MTM1: variants seen among roughly 807,000 people sequenced by gnomAD.
MTM1 encodes myotubularin 1.
Under a neutral mutation model 52.1 loss-of-function variants are expected in MTM1, and 9 were observed. The observed-to-expected ratio is 0.17, with a 90% CI of 0.10 to 0.30. The LOEUF is 0.30. Among genes scored for constraint, MTM1 ranks in the 10% least tolerant of loss-of-function variants. MTM1 has a pLI of 1.00. For missense variants in MTM1, 277 were observed against 470.7 expected, an observed-to-expected ratio of 0.59 and a Z score of 3.81; for synonymous variants, 136 against 163.8, an observed-to-expected ratio of 0.83 and a Z score of 1.29.
At position 150,568,916 on chromosome X, in the gene MTM1, G is replaced by T. The variant is rs782261564; in HGVS notation, c.-11+254G>T. 5.1e-4 allele frequency among the ~76,000 whole-genome samples: 58 copies of T among 113,516 alleles called. 1 individual carries two copies. Among genetic ancestry groups the T allele is most frequent in the South Asian group, 1.8e-3 (5 of 2,832 alleles). On this transcript the variant is annotated intron_variant, in intron 1 of 14. Coordinates refer to ENST00000370396, the MANE Select transcript of MTM1 (RefSeq NM_000252.3). ...CCCCGCCCAAGGTGGCCGGCCGGCG[G>T]CGGGCGAAGGTCGGGACGGGGGTAG... is the stretch of plus-strand genomic sequence containing the variant.
At chrX:150,609,942 T>TAC (rs1174802242) in intron 4 of MTM1, among the ~76,000 whole-genome samples, 1 of 111,707 alleles carries the variant, frequency 9.0e-6, no homozygotes, top group African/African-American at 3.3e-5. Context: ...AAGCATCCTT[T>TAC]AGATCTCAGT....
At chrX:150,656,866 G>A (rs2040124470) in intron 10 of MTM1, among the ~76,000 whole-genome samples, 1 of 112,242 alleles carries the variant, frequency 8.9e-6, no homozygotes, top group Admixed American at 9.4e-5. Flanking sequence ...GCAGACACAT[G>A]AAAAACTGCT....
At chrX:150,566,015 C>G (rs1184844173), upstream of MTM1, among the ~76,000 whole-genome samples, 1 of 110,497 alleles carries the variant, frequency 9.1e-6, no homozygotes, top group African/African-American at 3.3e-5. Context: ...CACACACACA[C>G]ACACACACAC....
intron 1 of MTM1, among the ~76,000 whole-genome samples, chrX:150,585,483 C>A (rs2038770363): frequency 8.9e-6 from 1 of 112,512 alleles, no homozygotes; most frequent in Admixed American, 9.4e-5. Flanking sequence ...TTATACGTTT[C>A]TATTCTTCAA....
chrX:150,570,400 A>C (rs2038348429), intron 1 of MTM1, among the ~76,000 whole-genome samples: 1 of 111,811 alleles, frequency 8.9e-6, no homozygotes, highest in African/African-American at 3.3e-5. Context: ...CCAGTAAAGG[A>C]AATAAATCCA....
chrX:150,642,233 A>C (rs1165530473), intron 8 of MTM1, among the ~76,000 whole-genome samples: 1 of 111,185 alleles, frequency 9.0e-6, no homozygotes, highest in Non-Finnish European at 1.9e-5. Context: ...GCCTAATATG[A>C]ATTGTAATTT....
chrX:150,583,103 A>G (rs1251809050), intron 1 of MTM1, among the ~76,000 whole-genome samples: 1 of 84,955 alleles, frequency 1.2e-5, no homozygotes, highest in Non-Finnish European at 2.1e-5. Context: ...ATATTTATAT[A>G]TAAATTATAA....
chrX:150,616,438 G>A (rs1297252115), intron 5 of MTM1, among the ~76,000 whole-genome samples: 4 of 111,502 alleles, frequency 3.6e-5, no homozygotes, highest in Admixed American at 9.6e-5. Context: ...GTCAACTTTC[G>A]CCTGCAGTCA....
At chrX:150,660,536 TAGTC>T (rs782372335) in intron 13 of MTM1, 52 bp downstream of exon 13, 1 of 728,069 alleles carries the variant, frequency 1.4e-6, no homozygotes, top group Non-Finnish European at 2.2e-6. Flanking sequence ...AAAATGTATG[TAGTC>T]TACCATGAAA....
chrX:150,591,427 A>G, intron 1 of MTM1, among the ~76,000 whole-genome samples: 1 of 112,704 alleles, frequency 8.9e-6, no homozygotes, highest in Non-Finnish European at 1.9e-5. Context: ...TTGAACTCTC[A>G]CGGGGGAATC....
intron 6 of MTM1, among the ~76,000 whole-genome samples, chrX:150,623,877 C>T (rs1269332649): frequency 8.9e-6 from 1 of 111,737 alleles, no homozygotes. Flanking sequence ...TGGAACTGTT[C>T]AGCCAGCTGC....
At chrX:150,642,656 G>T (rs782017720) in intron 8 of MTM1, among the ~76,000 whole-genome samples, 3 of 111,775 alleles carry the variant, frequency 2.7e-5, no homozygotes, top group East Asian at 2.8e-4. Context: ...ACCCTGGCTG[G>T]CTGTCTGTCT....
intron 5 of MTM1, among the ~76,000 whole-genome samples, chrX:150,618,516 G>A (rs1557413187): frequency 9.1e-6 from 1 of 109,821 alleles, no homozygotes; most frequent in South Asian, 4.0e-4. Context: ...TTAGCTGGGC[G>A]TGGTGGTGCG....
At chrX:150,615,900 C>T (rs1289682392) in intron 5 of MTM1, among the ~76,000 whole-genome samples, 1 of 111,110 alleles carries the variant, frequency 9.0e-6, no homozygotes, top group Non-Finnish European at 1.9e-5. Flanking sequence ...TCTATTATCC[C>T]AGCTACTGTC....
chrX:150,635,064 C>T (rs1389272815), intron 6 of MTM1, among the ~76,000 whole-genome samples: 7 of 111,033 alleles, frequency 6.3e-5, no homozygotes, highest in Non-Finnish European at 1.3e-4. Flanking sequence ...GAAAAAGCAG[C>T]CCACTTCACC....
At chrX:150,670,081 C>T (rs1366818302) in intron 14 of MTM1, among the ~76,000 whole-genome samples, 4 of 112,280 alleles carry the variant, frequency 3.6e-5, no homozygotes, top group Non-Finnish European at 7.5e-5. Flanking sequence ...AAAACATTAA[C>T]TTTCTGGAGT....
intron 13 of MTM1, among the ~76,000 whole-genome samples, chrX:150,661,185 A>G (rs902612368): frequency 9.1e-6 from 1 of 110,173 alleles, no homozygotes; most frequent in Admixed American, 9.7e-5. Context: ...CACCACAGCT[A>G]GCTAATTTTT....
chrX:150,609,546 A>T (rs1354489346), intron 4 of MTM1, among the ~76,000 whole-genome samples: 1 of 111,509 alleles, frequency 9.0e-6, no homozygotes, highest in Non-Finnish European at 1.9e-5. Flanking sequence ...TCAGTTCTGT[A>T]TATCCAGCCA....
chrX:150,596,348 G>A (rs1557412600), intron 2 of MTM1, 150 bp from the exon 3 acceptor site: 1 of 466,370 alleles, frequency 2.1e-6, no homozygotes, highest in Non-Finnish European at 3.7e-6. Context: ...TAACTTTTTT[G>A]TTTGAATTTT....
Sources: allele counts gnomAD v4.1 joint callset (sites outside exome capture counted in the v4.1 genomes callset), GRCh38; gene constraint gnomAD v4.1.1; transcripts MANE v1.5; gene names NCBI Gene and HGNC (gene_info 2026-07-23, HGNC 2026-07-21).